The following CAMK4 variants were observed in gnomAD, a reference collection of about 807,000 sequenced individuals.
CAMK4 encodes calcium/calmodulin dependent protein kinase IV.
A neutral mutation model predicts 44.9 loss-of-function variants in CAMK4; 22 were observed. The ratio of observed to expected loss-of-function variants is 0.49; its 90% confidence interval spans 0.35 to 0.70. CAMK4 has a LOEUF of 0.70. Ranked by LOEUF, CAMK4 falls within the 30% of genes least tolerant of loss-of-function variation. CAMK4 has a pLI of 0.01. For missense variants in CAMK4, 498 were observed against 586.8 expected (o/e 0.85, Z 1.56); for synonymous variants, 218 against 215.4 (o/e 1.01, Z -0.11).
intron 1 of CAMK4, among the ~76,000 whole-genome samples, chr5:111,301,348 C>G (rs1747711080): frequency 2.0e-5 from 3 of 152,160 alleles, no homozygotes; most frequent in African/African-American, 7.2e-5. Context: ...GTTTAATTAA[C>G]TTGAAATTAC....
intron 5 of CAMK4, among the ~76,000 whole-genome samples, chr5:111,438,628 G>T (rs1425195187): frequency 6.6e-6 from 1 of 152,152 alleles, no homozygotes; most frequent in South Asian, 2.1e-4. Context: ...CAGAAGGAAA[G>T]AGTAGACAAA....
chr5:111,404,481 T>G (rs1254527862), intron 5 of CAMK4, among the ~76,000 whole-genome samples: 1 of 152,206 alleles, frequency 6.6e-6, no homozygotes, highest in Non-Finnish European at 1.5e-5. Context: ...TATCTCAAGG[T>G]CAATGCTTGT....
At chr5:111,353,224 A>T (rs1284126578) in intron 2 of CAMK4, among the ~76,000 whole-genome samples, 1 of 152,066 alleles carries the variant, frequency 6.6e-6, no homozygotes, top group Non-Finnish European at 1.5e-5. Flanking sequence ...TGCAAAAATA[A>T]ATAATCTCAT....
rs917597737 is a variant in CAMK4 at position 111,488,699 on chromosome 5, A to G, written c.*4233A>G. 1.3e-5 allele frequency: 2 copies of G among 152,214 alleles called. No individual in the cohort carries two copies. Among genetic ancestry groups the G allele is most frequent in the African/African-American group, 4.8e-5 (2 of 41,462 alleles). 9.4% of individuals were successfully genotyped at this position (152,214 alleles called of 1,614,324 possible). On this transcript the variant is annotated 3_prime_UTR_variant, in exon 11 of 11. Transcript: ENST00000282356. ...AGGCAAAGGATAAACTTAGTAAGCC[A>G]TTTATTTTGTTTTAGAATTGTTTTT...
chr5:111,237,612 A>G (rs1447504893), intron 1 of CAMK4, among the ~76,000 whole-genome samples: 2 of 152,240 alleles, frequency 1.3e-5, no homozygotes, highest in African/African-American at 4.8e-5. Context: ...GTAGATATCT[A>G]GGACAAGATT....
chr5:111,232,499 A>C (rs2112498760), intron 1 of CAMK4, among the ~76,000 whole-genome samples: 1 of 152,282 alleles, frequency 6.6e-6, no homozygotes, highest in East Asian at 1.9e-4. Flanking sequence ...TGTTTTGCAA[A>C]ATTTATAAAG....
chr5:111,348,149 G>A (rs1749943099), intron 2 of CAMK4, among the ~76,000 whole-genome samples: 1 of 151,920 alleles, frequency 6.6e-6, no homozygotes, highest in African/African-American at 2.4e-5. Flanking sequence ...ATTCCATTTT[G>A]CGGCAATATG....
At chr5:111,285,566 T>C (rs1411341320) in intron 1 of CAMK4, among the ~76,000 whole-genome samples, 1 of 152,246 alleles carries the variant, frequency 6.6e-6, no homozygotes, top group Non-Finnish European at 1.5e-5. Context: ...CTGCAATGGA[T>C]GTAATTTCTT....
chr5:111,352,509 C>G (rs1315800126), intron 2 of CAMK4, among the ~76,000 whole-genome samples: 1 of 151,934 alleles, frequency 6.6e-6, no homozygotes, highest in Non-Finnish European at 1.5e-5. Context: ...AACATAACAT[C>G]ACAGACTGAA....
chr5:111,440,372 A>C (rs188883375), intron 5 of CAMK4, among the ~76,000 whole-genome samples: 1 of 152,206 alleles, frequency 6.6e-6, no homozygotes, highest in Non-Finnish European at 1.5e-5. Context: ...AATATTATTT[A>C]TTTTAGAAAT....
chr5:111,379,131 TGAG>T (rs1751322420), intron 4 of CAMK4, among the ~76,000 whole-genome samples: 4 of 152,194 alleles, frequency 2.6e-5, no homozygotes, highest in Non-Finnish European at 5.9e-5. Flanking sequence ...GGTCTATCAG[TGAG>T]AACTCTCATG....
chr5:111,262,102 C>G, intron 1 of CAMK4, among the ~76,000 whole-genome samples: 1 of 148,088 alleles, frequency 6.8e-6, no homozygotes, highest in East Asian at 2.0e-4. Flanking sequence ...CCTTCACAGG[C>G]AGTAGAGACA....
At chr5:111,459,095 G>A (rs1325283537) in intron 7 of CAMK4, among the ~76,000 whole-genome samples, 2 of 152,170 alleles carry the variant, frequency 1.3e-5, no homozygotes, top group Admixed American at 6.5e-5. Context: ...GGTGTTACCA[G>A]CATATAGACG....
intron 4 of CAMK4, among the ~76,000 whole-genome samples, chr5:111,391,929 A>G (rs2162747): frequency 0.074 from 11,240 of 152,262 alleles, 535 homozygotes; most frequent in Non-Finnish European, 0.11. Context: ...ATCATGTGTC[A>G]GAAGAAAATT....
chr5:111,483,328 TATAG>T (rs995462054), intron 10 of CAMK4, among the ~76,000 whole-genome samples: 3 of 152,146 alleles, frequency 2.0e-5, no homozygotes, highest in African/African-American at 7.2e-5. Flanking sequence ...TATTTCCTAA[TATAG>T]ATAAATAATT....
At chr5:111,449,227 T>C in intron 7 of CAMK4, 24 bp downstream of exon 7, 1 of 1,043,446 alleles carries the variant, frequency 9.6e-7, no homozygotes, top group Non-Finnish European at 1.4e-6. Context: ...TAATTATATT[T>C]TACTTTTATT....
At position 111,232,389 on chromosome 5, in the gene CAMK4, G is replaced by T. The variant is rs1472240306; in HGVS notation, c.161+7745G>T. On this transcript the variant is annotated intron_variant, in intron 1 of 10. Transcript: ENST00000282356. ...GAGGGGTAGACTCTGAAATTTGGCA[G>T]GATTTTAATAGGTAGAGCACTGGCA... is the stretch of plus-strand genomic sequence containing the variant. Among the ~76,000 whole-genome samples, 10 of 152,206 alleles carry T rather than the reference G, an allele frequency of 6.6e-5. No homozygotes were observed. In the East Asian group the frequency reaches 1.9e-3, roughly 29 times the overall value.
At chr5:111,371,439 C>T (rs1012517900) in intron 2 of CAMK4, among the ~76,000 whole-genome samples, 1 of 152,208 alleles carries the variant, frequency 6.6e-6, no homozygotes, top group Non-Finnish European at 1.5e-5. Flanking sequence ...TTCCATCTTT[C>T]ACTATCTTCT....
intron 7 of CAMK4, among the ~76,000 whole-genome samples, chr5:111,459,948 C>T (rs768625360): frequency 8.6e-5 from 13 of 152,012 alleles, no homozygotes; most frequent in Non-Finnish European, 1.9e-4. Context: ...ACTTCGAGAA[C>T]AGAACCAACT....
Sources: gnomAD v4.1 joint callset for allele counts (sites outside exome capture counted in the v4.1 genomes callset) on GRCh38, gnomAD v4.1.1 for gene constraint, MANE v1.5 for transcripts, NCBI Gene and HGNC (gene_info 2026-07-23, HGNC 2026-07-21) for gene names.